The following ERC2 variants were observed in gnomAD, a reference collection of about 807,000 sequenced individuals.
The protein encoded by ERC2 is ELKS/RAB6-interacting/CAST family member 2, also known as ERC protein 2.
ERC2 carries 42 observed loss-of-function variants against 114.8 expected under a neutral mutation model. The observed-to-expected ratio is 0.37, with a 90% CI of 0.29 to 0.47. The LOEUF is 0.47. ERC2 is among the 20% of genes least tolerant of loss of function. The pLI is 0.99. For missense variants in ERC2, 939 were observed against 1,150.7 expected (o/e 0.82, Z 2.66); for synonymous variants, 454 against 425.5 (o/e 1.07, Z -0.82).
chr3:55,557,702 T>C (rs903718057), intron 17 of ERC2, among the ~76,000 whole-genome samples: 1 of 152,226 alleles, frequency 6.6e-6, no homozygotes, highest in East Asian at 1.9e-4. Context: ...AAACCTTACA[T>C]GGTCTGATCC....
intron 13 of ERC2, among the ~76,000 whole-genome samples, chr3:55,927,760 C>A (rs1411297209): frequency 6.6e-6 from 1 of 152,154 alleles, no homozygotes; most frequent in Non-Finnish European, 1.5e-5. Flanking sequence ...CCCCAGTACC[C>A]TTCCCAGCCT....
chr3:56,167,536 A>T (rs2082383927), intron 4 of ERC2, among the ~76,000 whole-genome samples: 1 of 152,168 alleles, frequency 6.6e-6, no homozygotes, highest in African/African-American at 2.4e-5. Flanking sequence ...CTAACATTTG[A>T]CTTGACCATC....
intron 2 of ERC2, among the ~76,000 whole-genome samples, chr3:56,324,284 C>T (rs567218847): frequency 3.4e-4 from 52 of 152,326 alleles, no homozygotes; most frequent in Non-Finnish European, 6.2e-4. Flanking sequence ...CCATGACTCA[C>T]CCAGCCTTGG....
chr3:55,892,294 C>G (rs912808933), intron 13 of ERC2, among the ~76,000 whole-genome samples: 4 of 152,172 alleles, frequency 2.6e-5, no homozygotes, highest in Admixed American at 1.3e-4. Flanking sequence ...CATTTGATCA[C>G]AAATGGTGAC....
chr3:55,683,495 T>C (rs1181544356), intron 17 of ERC2, among the ~76,000 whole-genome samples: 1 of 152,112 alleles, frequency 6.6e-6, no homozygotes, highest in Non-Finnish European at 1.5e-5. Context: ...CCTTAAAAAG[T>C]GTGTATAAAT....
intron 17 of ERC2, among the ~76,000 whole-genome samples, chr3:55,594,295 A>G (rs1188230335): frequency 6.6e-6 from 1 of 152,180 alleles, no homozygotes; most frequent in Admixed American, 6.5e-5. Context: ...ACAGGATTAC[A>G]TGACTCAGAA....
chr3:55,662,945 T>G (rs1576007130), intron 17 of ERC2, among the ~76,000 whole-genome samples: 1 of 152,214 alleles, frequency 6.6e-6, no homozygotes, highest in African/African-American at 2.4e-5. Context: ...AGTTTCTGGA[T>G]GGCTGTGACC....
At chr3:56,145,047 A>T (rs1048372841) in intron 5 of ERC2, among the ~76,000 whole-genome samples, 1 of 152,194 alleles carries the variant, frequency 6.6e-6, no homozygotes, top group Non-Finnish European at 1.5e-5. Flanking sequence ...CATCAGGCAC[A>T]CTTCATCCCG....
intron 2 of ERC2, among the ~76,000 whole-genome samples, chr3:56,375,710 C>T (rs1386931264): frequency 6.6e-6 from 1 of 152,188 alleles, no homozygotes; most frequent in African/African-American, 2.4e-5. Flanking sequence ...GTTCCTAATA[C>T]TCTCCACCTC....
intron 14 of ERC2, among the ~76,000 whole-genome samples, chr3:55,825,929 TA>T (rs954158679): frequency 2.8e-5 from 4 of 142,488 alleles, no homozygotes; most frequent in Admixed American, 1.5e-4. Flanking sequence ...AAGTTGAAGT[TA>T]AAAAAAATTA....
chr3:55,525,290 G>A (rs1053367174), intron 17 of ERC2, among the ~76,000 whole-genome samples: 5 of 152,152 alleles, frequency 3.3e-5, no homozygotes, highest in Admixed American at 3.3e-4. Flanking sequence ...AATCATTTTT[G>A]CCAGCCATGG....
intron 10 of ERC2, among the ~76,000 whole-genome samples, chr3:55,997,905 T>G (rs1425263356): frequency 1.9e-4 from 5 of 25,988 alleles, no homozygotes; most frequent in Admixed American, 5.3e-4. Context: ...TTTTTTTTTT[T>G]TTGTGTGTGT....
chr3:56,449,995 G>C (rs923438739), intron 1 of ERC2, among the ~76,000 whole-genome samples: 1 of 152,182 alleles, frequency 6.6e-6, no homozygotes, highest in African/African-American at 2.4e-5. Context: ...GAGAAAAATG[G>C]ACATTGCCTT....
chr3:56,005,429 G>T (rs949678595), intron 10 of ERC2, among the ~76,000 whole-genome samples: 10 of 152,000 alleles, frequency 6.6e-5, no homozygotes, highest in African/African-American at 2.4e-4. Flanking sequence ...TATGTTGAAA[G>T]AAACTATACT....
chr3:56,374,651 A>G (rs879454367), intron 2 of ERC2, among the ~76,000 whole-genome samples: 2 of 152,158 alleles, frequency 1.3e-5, no homozygotes, highest in Non-Finnish European at 2.9e-5. Context: ...GGTAGGGCTA[A>G]GAAGTTTGAC....
At chr3:56,077,658 T>C (rs1035086973) in intron 7 of ERC2, among the ~76,000 whole-genome samples, 3 of 152,184 alleles carry the variant, frequency 2.0e-5, no homozygotes, top group African/African-American at 7.2e-5. Flanking sequence ...TCTGACAAAA[T>C]GAACAAGTGT....
chr3:56,361,057 G>A (rs1398905242), intron 2 of ERC2, among the ~76,000 whole-genome samples: 1 of 152,172 alleles, frequency 6.6e-6, no homozygotes, highest in Non-Finnish European at 1.5e-5. Flanking sequence ...TGGGAGATAC[G>A]TAACTGAACT....
chr3:55,552,294 T>A lies in ERC2; in HGVS notation c.*40-41018A>T, dbSNP rs72870418. Among the ~76,000 whole-genome samples, 874 of 152,308 alleles carry A rather than the reference T, an allele frequency of 5.7e-3. 12 individuals carry two copies. The highest frequency in any genetic ancestry group is 0.019 in the African/African-American group (808 of 41,568). ...TGGGGTTGGGGGCAGGGAAAAAGAC[T>A]TGCACGTTCCACTCCAGCAAAGCGC... On this transcript the variant is annotated intron_variant, in intron 17 of 17. Transcript: ENST00000288221.
chr3:55,674,885 G>T (rs1245760489), intron 17 of ERC2, among the ~76,000 whole-genome samples: 1 of 152,124 alleles, frequency 6.6e-6, no homozygotes, highest in African/African-American at 2.4e-5. Flanking sequence ...ATTTATTAAG[G>T]TGCACAGCAG....
Sources: allele counts gnomAD v4.1 joint callset (sites outside exome capture counted in the v4.1 genomes callset), GRCh38; gene constraint gnomAD v4.1.1; transcripts MANE v1.5; gene names NCBI Gene and HGNC (gene_info 2026-07-23, HGNC 2026-07-21).